Variants in MGST2 observed in about 807,000 individuals in gnomAD.
MGST2 encodes the protein microsomal glutathione S-transferase 2.
Under a neutral mutation model 16.6 loss-of-function variants are expected in MGST2, and 9 were observed. The observed-to-expected ratio is 0.54, with a 90% CI of 0.33 to 0.95. The LOEUF is 0.95. Ranked by LOEUF, MGST2 falls within the 40% of genes least tolerant of loss-of-function variation. The pLI is 0.03. For missense variants in MGST2, 159 were observed against 175.1 expected (o/e 0.91, Z 0.52); for synonymous variants, 79 against 68.0 (o/e 1.16, Z -0.79).
At chr4:139,704,611 T>A (rs2110911672), downstream of MGST2, among the ~76,000 whole-genome samples, 1 of 152,294 alleles carries the variant, frequency 6.6e-6, no homozygotes, top group African/African-American at 2.4e-5. Context: ...AGTCATCAAC[T>A]GATAGCACAA....
intron 1 of MGST2, among the ~76,000 whole-genome samples, chr4:139,677,092 A>G (rs942235954): frequency 6.6e-6 from 1 of 152,188 alleles, no homozygotes; most frequent in Non-Finnish European, 1.5e-5. Flanking sequence ...CTGTCTTGCC[A>G]CTAAAACCTG....
chr4:139,708,290 G>C (rs1261287459), downstream of MGST2, among the ~76,000 whole-genome samples: 1 of 152,218 alleles, frequency 6.6e-6, no homozygotes, highest in African/African-American at 2.4e-5. Flanking sequence ...TGGCTAGCCA[G>C]TTTTCCCAGC....
intron 5 of MGST2, among the ~76,000 whole-genome samples, chr4:139,725,182 G>A (rs1728416984): frequency 1.3e-5 from 2 of 152,130 alleles, no homozygotes; most frequent in Non-Finnish European, 2.9e-5. Flanking sequence ...TAGGATTCCC[G>A]CAAACGGCTA....
At position 139,665,924 on chromosome 4, in the gene MGST2, C is replaced by G; in HGVS notation, c.-96C>G. The G allele has an allele frequency of 7.9e-7, 1 of 1,264,612 alleles. No individual in the cohort carries two copies. The highest frequency in any genetic ancestry group is 1.2e-5 in the South Asian group (1 of 81,218). 78.3% of individuals were successfully genotyped at this position (1,264,612 alleles called of 1,614,324 possible). A position where few individuals can be genotyped will look rare whatever the true frequency, so the allele number is the denominator to read the frequency against. On this transcript the variant is annotated 5_prime_UTR_variant, in exon 1 of 5. Transcript: ENST00000265498. ...AATCAGCCTTTTCCCCCCACCCGGT[C>G]CCCAACTTTGTTTACCCGATAAGGA...
intron 2 of MGST2, among the ~76,000 whole-genome samples, chr4:139,681,883 A>C (rs1731260088): frequency 6.6e-6 from 1 of 152,214 alleles, no homozygotes; most frequent in Non-Finnish European, 1.5e-5. Flanking sequence ...AACAATAAGC[A>C]GATGATATTA....
chr4:139,703,357 T>C, intron 3 of MGST2, 98 bp from the exon 4 acceptor site: 1 of 984,392 alleles, frequency 1.0e-6, no homozygotes, highest in Non-Finnish European at 1.6e-6. Flanking sequence ...TCTTGTCCAA[T>C]ATATGTTTTG....
chr4:139,725,741 C>G, intron 5 of MGST2: 1 of 1,613,686 alleles, frequency 6.2e-7, no homozygotes, highest in Non-Finnish European at 8.5e-7. Context: ...AGAGGTTGCA[C>G]TGGCCTCACC....
intron 5 of MGST2, among the ~76,000 whole-genome samples, chr4:139,722,409 A>ATC (rs1728272896): frequency 6.6e-6 from 1 of 152,206 alleles, no homozygotes; most frequent in Non-Finnish European, 1.5e-5. Context: ...GTGTCCAAGG[A>ATC]ATTAACTTGT....
chr4:139,729,633 C>T (rs17050893), intron 5 of MGST2, among the ~76,000 whole-genome samples: 37,827 of 152,020 alleles, frequency 0.25, 4,876 homozygotes, highest in East Asian at 0.32. Context: ...GCCTGGGGAT[C>T]TCTTGTGGAC....
At chr4:139,691,323 T>A (rs2110864847) in intron 2 of MGST2, among the ~76,000 whole-genome samples, 1 of 152,330 alleles carries the variant, frequency 6.6e-6, no homozygotes, top group African/African-American at 2.4e-5. Flanking sequence ...ATATCTGCCT[T>A]CATGACTTAA....
intron 4 of MGST2, 22 bp from the exon 5 acceptor site, chr4:139,703,994 C>T: frequency 6.2e-7 from 1 of 1,614,036 alleles, no homozygotes; most frequent in Non-Finnish European, 8.5e-7. Context: ...TGTCACTTTT[C>T]TCCCTCATGT....
downstream of MGST2, among the ~76,000 whole-genome samples, chr4:139,744,920 A>G (rs555792023): frequency 1.3e-4 from 20 of 152,364 alleles, no homozygotes; most frequent in South Asian, 2.5e-3. Flanking sequence ...TACAAGGCAC[A>G]TGAGTTCTAG....
intron 2 of MGST2, among the ~76,000 whole-genome samples, chr4:139,691,529 G>A (rs1264708497): frequency 6.6e-6 from 1 of 152,120 alleles, no homozygotes; most frequent in Non-Finnish European, 1.5e-5. Flanking sequence ...TCACATGGTG[G>A]AGGGGCTGGA....
At chr4:139,687,749 C>G (rs140032232) in intron 2 of MGST2, 250 of 152,308 alleles carry the variant, frequency 1.6e-3, no homozygotes, top group African/African-American at 5.5e-3. Context: ...GGGTGGGTAT[C>G]TATTTGTGAC....
intron 5 of MGST2, among the ~76,000 whole-genome samples, chr4:139,737,441 G>T (rs1389168093): frequency 6.6e-6 from 1 of 151,948 alleles, no homozygotes. Flanking sequence ...CCACCCAGGA[G>T]GATGTTGGAA....
chr4:139,698,610 G>A lies in MGST2; in HGVS notation c.229+3343G>A, dbSNP rs892496963. 6 of 814,532 alleles carry A rather than the reference G, an allele frequency of 7.4e-6. No homozygotes were observed. In the East Asian group the frequency reaches 1.0e-4, roughly 14 times the overall value. 50.5% of individuals were successfully genotyped at this position (814,532 alleles called of 1,614,324 possible). ...CTCCTTCGGCTGGAGCTCGGCGAGC[G>A]AGAGGCGGCGCTGGCGTTGGAGAGC... is the stretch of plus-strand genomic sequence containing the variant. On this transcript the variant is annotated intron_variant, in intron 3 of 4. Coordinates refer to ENST00000265498, the MANE Select transcript of MGST2 (RefSeq NM_002413.5).
chr4:139,739,211 G>T (rs967569889), intron 5 of MGST2, among the ~76,000 whole-genome samples: 6 of 152,164 alleles, frequency 3.9e-5, no homozygotes, highest in African/African-American at 9.7e-5. Context: ...CAGCTTCTCC[G>T]AGCTCCTGAG....
downstream of MGST2, among the ~76,000 whole-genome samples, chr4:139,705,285 CAG>C (rs567248598): frequency 1.1e-4 from 17 of 152,214 alleles, no homozygotes; most frequent in South Asian, 4.2e-4. Context: ...TAGAAAATGT[CAG>C]GGGGTAAATT....
At chr4:139,721,512 T>C (rs1728232991) in intron 5 of MGST2, among the ~76,000 whole-genome samples, 1 of 152,222 alleles carries the variant, frequency 6.6e-6, no homozygotes, top group Non-Finnish European at 1.5e-5. Context: ...ATGAGAATAG[T>C]CTAACCTTGT....
Sources: allele counts gnomAD v4.1 joint callset (sites outside exome capture counted in the v4.1 genomes callset), GRCh38; gene constraint gnomAD v4.1.1; transcripts MANE v1.5; gene names NCBI Gene and HGNC (gene_info 2026-07-23, HGNC 2026-07-21).